The following DCT variants were observed in gnomAD, a reference collection of about 807,000 sequenced individuals.
DCT encodes the protein dopachrome tautomerase, also known as L-dopachrome tautomerase.
Under a neutral mutation model 53.0 loss-of-function variants are expected in DCT, and 47 were observed. The ratio of observed to expected loss-of-function variants is 0.89; its 90% CI spans 0.70 to 1.13. The LOEUF is 1.13. DCT is among the 50% of genes most tolerant of loss of function. The pLI is 0.00. For missense variants in DCT, 669 were observed against 637.4 expected (o/e 1.05, Z -0.53); for synonymous variants, 244 against 237.0 (o/e 1.03, Z -0.27).
In DCT at chr13:94,443,564, G is replaced by A. The variant is rs758339113; in HGVS notation, c.1253C>T (p.Pro418Leu). The A allele has an allele frequency of 1.1e-5, 18 of 1,613,822 alleles. No individual in the cohort carries two copies. The highest frequency in any genetic ancestry group is 1.7e-5 in the Admixed American group (1 of 60,000). ...KRFNPPADAW[P>L]QELAPIGHNR... ...GTGACCAATAGGGGCCAGCTCCTGA[G>A]GCCAGGCATCTGCAGGAGGATTAAA... Residue 418 changes from proline (P) to leucine (L), a missense_variant, in exon 7 of 8, where the codon CCT becomes CTT. Coordinates refer to ENST00000377028, the MANE Select transcript of DCT (RefSeq NM_001922.5).
intron 1 of DCT, among the ~76,000 whole-genome samples, chr13:94,472,841 C>T (rs895489803): frequency 6.6e-6 from 1 of 151,758 alleles, no homozygotes; most frequent in Non-Finnish European, 1.5e-5. Context: ...CTTGGCCTCC[C>T]AAAGTGTTGG....
At chr13:94,447,659 A>T (rs146442171) in intron 6 of DCT, among the ~76,000 whole-genome samples, 1 of 152,350 alleles carries the variant, frequency 6.6e-6, no homozygotes, top group East Asian at 1.9e-4. Context: ...TTGACCTATG[A>T]GTCCTAAACC....
the DCT span, among the ~76,000 whole-genome samples, chr13:94,520,683 C>G: frequency 6.6e-6 from 1 of 152,132 alleles, no homozygotes; most frequent in East Asian, 1.9e-4. Flanking sequence ...TGGTCAGAAG[C>G]TCTGGCTTTC....
intron 6 of DCT, chr13:94,445,752 T>C (rs1011758838): frequency 6.3e-7 from 1 of 1,582,178 alleles, no homozygotes; most frequent in South Asian, 1.2e-5. Context: ...CCTTGGTCGC[T>C]TTCTCTTTTC....
chr13:94,496,636 C>T, the DCT span, among the ~76,000 whole-genome samples: 1 of 152,070 alleles, frequency 6.6e-6, no homozygotes, highest in African/African-American at 2.4e-5. Context: ...AAAAATGAGA[C>T]GTGAAGGAAG....
chr13:94,470,297 C>CA (rs1566850280), intron 1 of DCT, among the ~76,000 whole-genome samples: 1 of 152,154 alleles, frequency 6.6e-6, no homozygotes, highest in Non-Finnish European at 1.5e-5. Context: ...CAAACCACCA[C>CA]AGGATTTCTG....
the DCT span, among the ~76,000 whole-genome samples, chr13:94,489,196 G>C: frequency 6.6e-6 from 1 of 152,044 alleles, no homozygotes; most frequent in Non-Finnish European, 1.5e-5. Context: ...TAAAAATTTC[G>C]TTAATAAAAA....
chr13:94,452,563 A>AT (rs752418572), intron 6 of DCT: 15 of 743,022 alleles, frequency 2.0e-5, no homozygotes, highest in African/African-American at 1.7e-4. Flanking sequence ...TTTCAAATGC[A>AT]TTTTTTTACC....
intron 7 of DCT, 66 bp from the exon 8 acceptor site, chr13:94,440,142 A>T: frequency 7.2e-7 from 1 of 1,392,594 alleles, no homozygotes; most frequent in Non-Finnish European, 9.9e-7. Context: ...GAAGAGAAAA[A>T]GAGCAAGCGC....
the DCT span, among the ~76,000 whole-genome samples, chr13:94,531,731 G>A: frequency 2.7e-4 from 41 of 152,252 alleles, no homozygotes; most frequent in African/African-American, 8.4e-4. Context: ...ATAGGCATGG[G>A]CAAAGACTTC....
chr13:94,543,824 C>T, the DCT span, among the ~76,000 whole-genome samples: 1 of 152,096 alleles, frequency 6.6e-6, no homozygotes, highest in East Asian at 1.9e-4. Flanking sequence ...CGCCTGAGGT[C>T]AGGAGTTTGA....
At chr13:94,491,529 G>A in the DCT span, among the ~76,000 whole-genome samples, 2 of 152,136 alleles carry the variant, frequency 1.3e-5, no homozygotes, top group South Asian at 2.1e-4. Flanking sequence ...AATTTGAGAA[G>A]GACACAATTC....
the DCT span, among the ~76,000 whole-genome samples, chr13:94,485,386 G>C: frequency 1.3e-5 from 2 of 152,114 alleles, no homozygotes; most frequent in Non-Finnish European, 2.9e-5. Context: ...CAGTCTGCTT[G>C]TCCACAATGG....
At position 94,440,057 on chromosome 13, in the gene DCT, T is replaced by G. The variant is rs1385643003; in HGVS notation, c.1401A>C (p.Pro467=). The change falls in exon 8 of 8, where the codon CCA becomes CCC. Residue 467 remains proline (P), a synonymous_variant. Coordinates refer to ENST00000377028, the MANE Select transcript of DCT (RefSeq NM_001922.5). ...CTACTAAGAGAGTTGTGGGCCAACC[T>G]GGAGTTTCTTCAACTGAAACTAAAG... ...IDLPVSVEET[P]GWPTTLLVVM... 2 of 1,613,654 alleles carry G rather than the reference T, an allele frequency of 1.2e-6. No individual in the cohort carries two copies. Among genetic ancestry groups the G allele is most frequent in the Admixed American group, 3.3e-5 (2 of 59,934 alleles).
intron 6 of DCT, among the ~76,000 whole-genome samples, chr13:94,448,925 A>G (rs569142236): frequency 3.1e-4 from 47 of 151,982 alleles, no homozygotes; most frequent in African/African-American, 8.7e-4. Context: ...AATAATAATA[A>G]ATAAATAAAT....
chr13:94,515,061 C>G, the DCT span, among the ~76,000 whole-genome samples: 6 of 152,136 alleles, frequency 3.9e-5, no homozygotes, highest in Admixed American at 3.9e-4. Flanking sequence ...AAATCTCTAG[C>G]CCTCTCTCTA....
chr13:94,471,314 C>T (rs1884632120), intron 1 of DCT, among the ~76,000 whole-genome samples: 1 of 151,986 alleles, frequency 6.6e-6, no homozygotes, highest in African/African-American at 2.4e-5. Flanking sequence ...TATAATATAT[C>T]ATATATCCCA....
chr13:94,518,684 T>C, the DCT span, among the ~76,000 whole-genome samples: 5 of 152,238 alleles, frequency 3.3e-5, no homozygotes, highest in Non-Finnish European at 7.3e-5. Flanking sequence ...TCTGCATCCA[T>C]TCTTGCTTTC....
the DCT span, among the ~76,000 whole-genome samples, chr13:94,490,659 A>C: frequency 6.6e-6 from 1 of 152,034 alleles, no homozygotes; most frequent in Non-Finnish European, 1.5e-5. Flanking sequence ...CACATACACA[A>C]AGCTAAAAAA....
Sources: allele counts gnomAD v4.1 joint callset (sites outside exome capture counted in the v4.1 genomes callset), GRCh38; gene constraint gnomAD v4.1.1; transcripts MANE v1.5; gene names NCBI Gene and HGNC (gene_info 2026-07-23, HGNC 2026-07-21).